Variants in ALPK2 observed in about 807,000 individuals in gnomAD.
The protein encoded by ALPK2 is alpha-protein kinase 2.
ALPK2 carries 127 observed loss-of-function variants against 163.1 expected under a neutral mutation model. The ratio of observed to expected loss-of-function variants is 0.78; its 90% CI spans 0.67 to 0.90. ALPK2 has a LOEUF of 0.90. ALPK2 is among the 40% of genes least tolerant of loss of function. ALPK2 has a pLI of 0.00. For missense variants in ALPK2, 2,360 were observed against 2,589.6 expected, an observed-to-expected ratio of 0.91 and a Z score of 1.92; for synonymous variants, 953 against 959.1, an observed-to-expected ratio of 0.99 and a Z score of 0.12.
At chr18:58,526,818 G>A (rs1039097137) in intron 6 of ALPK2, among the ~76,000 whole-genome samples, 2 of 152,114 alleles carry the variant, frequency 1.3e-5, no homozygotes, top group African/African-American at 2.4e-5. Context: ...CAAAACTTGC[G>A]GACAAAGGAA....
chr18:58,602,603 T>A (rs1417921777), intron 3 of ALPK2, among the ~76,000 whole-genome samples: 1 of 152,162 alleles, frequency 6.6e-6, no homozygotes, highest in Non-Finnish European at 1.5e-5. Flanking sequence ...TTTCCCTTTT[T>A]AAAAGTATAC....
chr18:58,536,568 CCTGA>C lies in ALPK2; in HGVS notation c.3615_3618del (p.Ser1205ArgfsTer3), dbSNP rs768031885. The C allele has an allele frequency of 6.2e-6, 10 of 1,613,892 alleles. No individual in the cohort carries two copies. The highest frequency in any genetic ancestry group is 7.6e-6 in the Non-Finnish European group (9 of 1,180,024). ...GAGAGAGATGGAACGTTGCTCAGAG[CCTGA>C]CTGTCTTCTTCCCCAGCAGTTTCAG... On this transcript the variant is annotated frameshift_variant, in exon 5 of 13. Coordinates refer to ENST00000361673, the MANE Select transcript of ALPK2 (RefSeq NM_052947.4).
chr18:58,493,512 C>T (rs2051385644), intron 12 of ALPK2, among the ~76,000 whole-genome samples: 1 of 152,140 alleles, frequency 6.6e-6, no homozygotes, highest in African/African-American at 2.4e-5. Context: ...CCTCCATCTG[C>T]TTGTGGGCAT....
chr18:58,602,195 T>C (rs1486239360), intron 3 of ALPK2, among the ~76,000 whole-genome samples: 1 of 152,214 alleles, frequency 6.6e-6, no homozygotes, highest in East Asian at 1.9e-4. Flanking sequence ...CTGGATGAAC[T>C]CAGCTGGTGT....
At chr18:58,530,811 T>C (rs2051609992) in intron 5 of ALPK2, among the ~76,000 whole-genome samples, 1 of 152,218 alleles carries the variant, frequency 6.6e-6, no homozygotes, top group Admixed American at 6.5e-5. Flanking sequence ...GCTAGTTTTT[T>C]CTTCCGTGTG....
At chr18:58,543,240 G>A in intron 4 of ALPK2, 1 of 559,446 alleles carries the variant, frequency 1.8e-6, no homozygotes, top group Non-Finnish European at 2.3e-6. Flanking sequence ...CCTCTGCCTG[G>A]GACTTCTCAG....
rs904364913 is a variant in ALPK2, at chr18:58,524,044, A to G, written c.5520T>C (p.Thr1840=). Residue 1840 remains threonine (T), a synonymous_variant, in exon 7 of 13, where the codon ACT becomes ACC. Coordinates refer to ENST00000361673, the MANE Select transcript of ALPK2 (RefSeq NM_052947.4). ...TGGCTTGCACGATGGCAAAGGAAAC[A>G]GTGGAGTTGTCCCCTGCACTGCAAT... ...QVQRSAGDNS[T]VSFAIVQASP... is the part of the protein sequence containing the mutation. The G allele has an allele frequency of 1.1e-5, 17 of 1,613,782 alleles. No individual in the cohort carries two copies. The highest frequency in any genetic ancestry group is 1.4e-5 in the Non-Finnish European group (16 of 1,179,746).
intron 3 of ALPK2, among the ~76,000 whole-genome samples, chr18:58,599,863 G>T (rs2052059949): frequency 6.6e-6 from 1 of 151,948 alleles, no homozygotes; most frequent in African/African-American, 2.4e-5. Context: ...TAAATAATTT[G>T]CCCAGGATGA....
chr18:58,504,006 C>A lies in ALPK2; in HGVS notation c.6172G>T (p.Gly2058Cys), dbSNP rs753647182. The change falls in exon 11 of 13, where the codon GGT becomes TGT. Residue 2058 changes from glycine (G) to cysteine (C), a missense_variant. Physicochemically the swap from Gly to Cys is radical, Grantham distance 159. Coordinates refer to ENST00000361673, the MANE Select transcript of ALPK2 (RefSeq NM_052947.4). ...INFLRRESEA[G>C]QKCCTFQHWV... ...TGCTGGAAGGTGCAACATTTCTGAC[C>A]AGCTTCTGATTCTCTTCTCAAGAAG... The A allele has an allele frequency of 4.5e-5, 72 of 1,614,110 alleles. No individual in the cohort carries two copies. The highest frequency in any genetic ancestry group is 5.3e-5 in the Non-Finnish European group (63 of 1,180,048).
intron 3 of ALPK2, among the ~76,000 whole-genome samples, chr18:58,583,707 C>T (rs1043785044): frequency 5.5e-5 from 8 of 146,458 alleles, no homozygotes; most frequent in Non-Finnish European, 1.0e-4. Context: ...CCAGCTACTC[C>T]AGCCTGGATG....
chr18:58,579,699 G>T lies in ALPK2; in HGVS notation c.1077C>A (p.Ser359Arg), dbSNP rs752858579. ...CACCGAATTCCATCTCTTCGTCATC[G>T]CTTTCTAATAAAAAAACATGCTCAG... ...LGTEHVFLLE[S>R]DDEEMEFGEH... Residue 359 changes from serine to arginine, a missense_variant, in exon 4 of 13, where the codon AGC becomes AGA. By Grantham distance (110) the Ser-to-Arg change is moderately radical. Coordinates refer to ENST00000361673, the MANE Select transcript of ALPK2 (RefSeq NM_052947.4). 6.2e-7 allele frequency: 1 copy of T among 1,613,878 alleles called. No individual in the cohort carries two copies. Among genetic ancestry groups the T allele is most frequent in the Admixed American group, 1.7e-5 (1 of 59,976 alleles).
chr18:58,540,555 C>A (rs1391630245), intron 4 of ALPK2, among the ~76,000 whole-genome samples: 4 of 152,076 alleles, frequency 2.6e-5, no homozygotes, highest in Admixed American at 2.6e-4. Context: ...TTTGGTTCAG[C>A]CTTTTAAGAA....
At chr18:58,496,628 G>C (rs1210033291) in intron 12 of ALPK2, among the ~76,000 whole-genome samples, 1 of 152,204 alleles carries the variant, frequency 6.6e-6, no homozygotes, top group Non-Finnish European at 1.5e-5. Flanking sequence ...GATCGTGGCT[G>C]ACACTGATGG....
At chr18:58,520,050 T>C (rs989759245) in intron 8 of ALPK2, among the ~76,000 whole-genome samples, 1 of 152,264 alleles carries the variant, frequency 6.6e-6, no homozygotes, top group African/African-American at 2.4e-5. Context: ...TGCAATTTTC[T>C]TTGCAGCTTT....
Position 58,516,927 on chromosome 18 carries a change from T to TCA in ALPK2, c.5920_5921insTG (p.Asn1974MetfsTer61). The stretch of plus-strand genomic sequence containing the variant: ...ACCCACCTGGGCAGCGAGTTTGTAG[T>TCA]TCCTTTGGATGAGCTCATCATTATT... On this transcript the variant is annotated frameshift_variant, in exon 9 of 13. Coordinates refer to ENST00000361673, the MANE Select transcript of ALPK2 (RefSeq NM_052947.4). 6.2e-7 allele frequency: 1 copy of TCA among 1,613,578 alleles called. No individual in the cohort carries two copies. The highest frequency in any genetic ancestry group is 8.5e-7 in the Non-Finnish European group (1 of 1,179,540).
rs756760437 is a variant in ALPK2, at chr18:58,580,205, A to G, written c.571T>C (p.Leu191=). 6.2e-7 allele frequency: 1 copy of G among 1,614,084 alleles called. No homozygotes were observed. Among genetic ancestry groups the G allele is most frequent in the South Asian group, 1.1e-5 (1 of 91,084 alleles). Residue 191 remains leucine, a synonymous_variant, in exon 4 of 13, where the codon TTG becomes CTG. Transcript: ENST00000361673. The part of the protein sequence containing the change: ...DISVSSSENP[L]GVKGTRHTGE... ...GTGTGCCTTGTTCCTTTAACACCCA[A>G]AGGATTTTCAGAACTGGACACACTA...
At chr18:58,553,848 T>TTTG (rs2051772689) in intron 4 of ALPK2, among the ~76,000 whole-genome samples, 1 of 124,314 alleles carries the variant, frequency 8.0e-6, no homozygotes, top group African/African-American at 3.1e-5. Context: ...GTTTTTTTTT[T>TTTG]GGTTTTTTTT....
chr18:58,512,766 ATG>A (rs2051497907), intron 10 of ALPK2, among the ~76,000 whole-genome samples: 1 of 107,578 alleles, frequency 9.3e-6, no homozygotes. Flanking sequence ...GTGTATGTGT[ATG>A]TGTGTGGTGT....
intron 3 of ALPK2, among the ~76,000 whole-genome samples, chr18:58,592,466 A>G (rs1254993286): frequency 2.0e-5 from 3 of 152,180 alleles, no homozygotes; most frequent in Non-Finnish European, 4.4e-5. Context: ...CTGGGTGGAA[A>G]GAGGGGAGGG....
Sources: gnomAD v4.1 joint callset for allele counts (sites outside exome capture counted in the v4.1 genomes callset) on GRCh38, gnomAD v4.1.1 for gene constraint, MANE v1.5 for transcripts, NCBI Gene and HGNC (gene_info 2026-07-23, HGNC 2026-07-21) for gene names.